The following LIPH variants were observed in gnomAD, a reference collection of about 807,000 sequenced individuals.
LIPH encodes lipase H, also known as lipase member H.
A neutral mutation model predicts 47.6 loss-of-function variants in LIPH; 32 were observed. The ratio of observed to expected loss-of-function variants is 0.67; its 90% CI spans 0.51 to 0.90. The LOEUF is 0.90. Among genes scored for constraint, LIPH ranks in the 40% least tolerant of loss-of-function variants. LIPH has a pLI of 0.00. For synonymous variants in LIPH, 190 were observed against 195.6 expected (o/e 0.97, Z 0.24); for missense variants, 497 against 541.4 (o/e 0.92, Z 0.81).
At chr3:185,535,180 G>C in intron 1 of LIPH, 48 bp from the exon 2 acceptor site, 13 of 1,604,526 alleles carry the variant, frequency 8.1e-6, no homozygotes, top group Non-Finnish European at 1.1e-5. Context: ...TCCTTAGCTG[G>C]GCATCAAGCA....
intron 1 of LIPH, among the ~76,000 whole-genome samples, chr3:185,537,076 G>A (rs971405898): frequency 1.3e-5 from 2 of 152,166 alleles, no homozygotes; most frequent in African/African-American, 2.4e-5. Context: ...GTAGAGACAG[G>A]GTTTCATCAT....
rs764563463 is a variant in LIPH at position 185,534,883 on chromosome 3, T to A, written c.299A>T (p.Asp100Val). 6 of 1,614,194 alleles carry A rather than the reference T, an allele frequency of 3.7e-6. No individual in the cohort carries two copies. The South Asian group carries it at 6.6e-5, about 18-fold the overall frequency. ...DLVKGLLSVEDMNVVVVDWNR... is the reference protein window; with the variant it reads ...DLVKGLLSVEVMNVVVVDWNR... Reference sequence around the variant, plus strand: ...CCAATCAACAACAACTACGTTCATGTCTTCAACAGAGAGCAAACCCTTTAC... The same window carrying A: ...CCAATCAACAACAACTACGTTCATGACTTCAACAGAGAGCAAACCCTTTAC... Residue 100 changes from aspartate to valine, a missense_variant, in exon 2 of 10, where the codon GAC (aspartate) becomes GTC (valine). By Grantham distance (152) the Asp-to-Val change is radical. Transcript: ENST00000296252.
rs773769944 is a variant in LIPH at position 185,552,422 on chromosome 3, C to T, written c.49+1G>A. 1.9e-6 allele frequency: 3 copies of T among 1,599,740 alleles called. No individual in the cohort carries two copies. The highest frequency in any genetic ancestry group is 2.2e-5 in the South Asian group (2 of 90,784). ...AGAAAACCAGTTTGTAAATAACCTA[C>T]CTGATCTTGACAAGCACAACAAACT... On this transcript the variant is annotated splice_donor_variant, in intron 1 of 9. Transcript: ENST00000296252. LOFTEE classifies it high-confidence loss of function.
rs996680716 is a variant in LIPH at position 185,511,768 on chromosome 3, A to G, written c.1095-71T>C. The G allele has an allele frequency of 1.7e-5, 18 of 1,067,840 alleles. No homozygotes were observed. In the African/African-American group the frequency reaches 2.0e-4, roughly 12 times the overall value. 66.1% of individuals were successfully genotyped at this position (1,067,840 alleles called of 1,614,324 possible). A position where few individuals can be genotyped will look rare whatever the true frequency, so the allele number is the denominator to read the frequency against. On this transcript the variant is annotated intron_variant, in intron 8 of 9. Transcript: ENST00000296252. ...GAGAGAAAGCAGTTTTGAAGCCTGC[A>G]AGTCACTGGTAAGCTGGTAACTATT...
At chr3:185,516,185 C>T (rs778726654) in intron 7 of LIPH, among the ~76,000 whole-genome samples, 1 of 151,910 alleles carries the variant, frequency 6.6e-6, no homozygotes, top group East Asian at 1.9e-4. Context: ...GTAATCCCAG[C>T]GCTTTGAGAG....
At chr3:185,551,187 A>C (rs1031054973) in intron 1 of LIPH, among the ~76,000 whole-genome samples, 6 of 152,302 alleles carry the variant, frequency 3.9e-5, no homozygotes, top group Admixed American at 1.3e-4. Flanking sequence ...AACAAACAAA[A>C]AAAATAATAA....
In LIPH at chr3:185,534,882, G is replaced by A. The variant is rs1277431825; in HGVS notation, c.300C>T (p.Asp100=). The A allele has an allele frequency of 6.2e-7, 1 of 1,614,110 alleles. No homozygotes were observed. The highest frequency in any genetic ancestry group is 8.5e-7 in the Non-Finnish European group (1 of 1,180,048). Residue 100 remains aspartate, a synonymous_variant, in exon 2 of 10, where the codon GAC becomes GAT. Transcript: ENST00000296252. ...TCCAATCAACAACAACTACGTTCAT[G>A]TCTTCAACAGAGAGCAAACCCTTTA... ...DLVKGLLSVE[D]MNVVVVDWNR... is the part of the protein sequence containing the mutation.
chr3:185,539,699 A>G (rs2148962535), intron 1 of LIPH, among the ~76,000 whole-genome samples: 1 of 152,328 alleles, frequency 6.6e-6, no homozygotes, highest in South Asian at 2.1e-4. Context: ...ATATAGGATC[A>G]AATTGGGTAT....
intron 3 of LIPH, among the ~76,000 whole-genome samples, chr3:185,531,188 C>T (rs1239895290): frequency 6.6e-6 from 1 of 152,202 alleles, no homozygotes; most frequent in Non-Finnish European, 1.5e-5. Flanking sequence ...AGGCAGGTTA[C>T]TTAACTTCTC....
chr3:185,545,784 A>G (rs1720852414), intron 1 of LIPH, among the ~76,000 whole-genome samples: 1 of 151,938 alleles, frequency 6.6e-6, no homozygotes. Flanking sequence ...TTGATGTCCA[A>G]CTCCACTGCC....
chr3:185,511,616 A>G lies in LIPH; in HGVS notation c.1176T>C (p.Ile392=). The G allele has an allele frequency of 6.2e-7, 1 of 1,613,434 alleles. No homozygotes were observed. Among genetic ancestry groups the G allele is most frequent in the Non-Finnish European group, 8.5e-7 (1 of 1,179,378 alleles). ...GAGATCCTGTAGAGAACATCAAGGA[A>G]ATTGCAGCCACTTTATCCAGATCTT... The part of the protein sequence containing the change: ...FNQDLDKVAA[I]SLMFSTGSLI... Residue 392 remains isoleucine, a synonymous_variant, in exon 9 of 10, where the codon ATT becomes ATC. Coordinates refer to ENST00000296252, the MANE Select transcript of LIPH (RefSeq NM_139248.3).
chr3:185,508,828 C>G lies in LIPH; in HGVS notation c.1318G>C (p.Val440Leu). The G allele has an allele frequency of 6.2e-7, 1 of 1,614,042 alleles. No homozygotes were observed. The highest frequency in any genetic ancestry group is 8.5e-7 in the Non-Finnish European group (1 of 1,179,912). ...DLVLMENVET[V>L]FQPILCPELQ... ...TCTGGGCAAAGAATAGGTTGGAAGA[C>G]TGTTTCAACGTTTTCCATCAGGACA... Residue 440 changes from valine (V) to leucine (L), a missense_variant, in exon 10 of 10, where the codon GTC becomes CTC. Physicochemically the swap from Val to Leu is conservative, Grantham distance 32. Coordinates refer to ENST00000296252, the MANE Select transcript of LIPH (RefSeq NM_139248.3).
At chr3:185,530,689 A>G (rs529657981) in intron 3 of LIPH, among the ~76,000 whole-genome samples, 48 of 151,916 alleles carry the variant, frequency 3.2e-4, no homozygotes, top group Non-Finnish European at 6.3e-4. Flanking sequence ...AAAATAAATA[A>G]ATAAAATTAA....
chr3:185,508,797 T>C lies in LIPH; in HGVS notation c.1349A>G (p.Gln450Arg), dbSNP rs758129780. 1.2e-6 allele frequency: 2 copies of C among 1,611,892 alleles called. No individual in the cohort carries two copies. Among genetic ancestry groups the C allele is most frequent in the East Asian group, 4.5e-5 (2 of 44,874 alleles). Residue 450 changes from glutamine to arginine, a missense_variant, in exon 10 of 10, where the codon CAG becomes CGG. By Grantham distance (43) the Gln-to-Arg change is conservative. Coordinates refer to ENST00000296252, the MANE Select transcript of LIPH (RefSeq NM_139248.3). ...CATGTGTCCTGGCAACAGTTACAAC[T>C]GCAACTCTGGGCAAAGAATAGGTTG... Reference protein sequence around the residue: ...VFQPILCPELQL With the variant: ...VFQPILCPELRL
intron 3 of LIPH, among the ~76,000 whole-genome samples, chr3:185,530,003 G>A (rs1250668939): frequency 1.1e-4 from 16 of 151,360 alleles, no homozygotes; most frequent in Non-Finnish European, 2.4e-4. Flanking sequence ...AATAAGCAGT[G>A]CCTGGCGCGG....
chr3:185,550,860 G>A (rs528878222), intron 1 of LIPH, among the ~76,000 whole-genome samples: 1 of 152,090 alleles, frequency 6.6e-6, no homozygotes, highest in Non-Finnish European at 1.5e-5. Flanking sequence ...GAGCCACTGC[G>A]CCTGACCATT....
chr3:185,523,333 G>C (rs1286723209), intron 5 of LIPH, among the ~76,000 whole-genome samples: 1 of 152,146 alleles, frequency 6.6e-6, no homozygotes, highest in African/African-American at 2.4e-5. Context: ...TATACTACCT[G>C]TATCTTCTCA....
chr3:185,508,889 A>G lies in LIPH; in HGVS notation c.1269-12T>C, dbSNP rs1395106293. The G allele has an allele frequency of 6.6e-7, 1 of 1,520,046 alleles. No homozygotes were observed. The highest frequency in any genetic ancestry group is 1.7e-5 in the Admixed American group (1 of 59,804). The allele number at this position is 1,520,046 out of a possible 1,614,324, so 94.2% of individuals were successfully genotyped here. A position where few individuals can be genotyped will look rare whatever the true frequency, so the allele number is the denominator to read the frequency against. ...GACACAGCTGAGGCCTGGGAAAATAAGACAAAATATCCTTGTAAATGAATT... is the reference window on the plus strand; with the variant it reads ...GACACAGCTGAGGCCTGGGAAAATAGGACAAAATATCCTTGTAAATGAATT... On this transcript the variant is annotated splice_polypyrimidine_tract_variant and intron_variant, in intron 9 of 9. Transcript: ENST00000296252.
In LIPH at chr3:185,516,432, C is replaced by CA. The variant is rs111688817; in HGVS notation, c.982+634dup. ...TGGGTGACAGAGTGAGACCCTGTCTCAAAAAAAATAAATAAAATGAAATAA... is the reference window on the plus strand; with the variant it reads ...TGGGTGACAGAGTGAGACCCTGTCTCAAAAAAAAATAAATAAAATGAAATAA... On this transcript the variant is annotated intron_variant, in intron 7 of 9. Coordinates refer to ENST00000296252, the MANE Select transcript of LIPH (RefSeq NM_139248.3). 9.4e-4 allele frequency among the ~76,000 whole-genome samples: 143 copies of CA among 151,446 alleles called. 4 individuals are homozygous for CA. Among genetic ancestry groups the CA allele is most frequent in the African/African-American group, 3.2e-3 (134 of 41,296 alleles).
Sources: gnomAD v4.1 joint callset for allele counts (sites outside exome capture counted in the v4.1 genomes callset) on GRCh38, gnomAD v4.1.1 for gene constraint, MANE v1.5 for transcripts, NCBI Gene and HGNC (gene_info 2026-07-23, HGNC 2026-07-21) for gene names.